Variants in ZZEF1 observed in about 807,000 individuals in gnomAD.
ZZEF1 encodes zinc finger ZZ-type and EF-hand domain containing 1.
In ZZEF1, 157 loss-of-function variants were observed where a neutral mutation model predicts 342.8. The observed-to-expected ratio is 0.46, with a 90% CI of 0.40 to 0.52. The LOEUF (loss-of-function observed/expected upper bound fraction) is 0.52. ZZEF1 is among the 20% of genes least tolerant of loss of function. The pLI, the probability that ZZEF1 is intolerant of heterozygous loss-of-function variation, is 0.00. For synonymous variants in ZZEF1, 1,505 were observed against 1,429.1 expected, an observed-to-expected ratio of 1.05 and a Z score of -1.20; for missense variants, 3,480 against 3,725.6, an observed-to-expected ratio of 0.93 and a Z score of 1.72.
chr17:4,019,064 G>T (rs947554710), intron 46 of ZZEF1, among the ~76,000 whole-genome samples: 1 of 151,764 alleles, frequency 6.6e-6, no homozygotes, highest in African/African-American at 2.4e-5. Context: ...AGCTTAGACT[G>T]TACCCTAACT....
At chr17:4,126,225 C>CAAA (rs34213678) in intron 1 of ZZEF1, among the ~76,000 whole-genome samples, 5 of 94,116 alleles carry the variant, frequency 5.3e-5, no homozygotes, top group African/African-American at 2.1e-4. Flanking sequence ...GACTCCGTCT[C>CAAA]AAAAAAAAAA....
chr17:4,046,207 G>T (rs560239389), intron 37 of ZZEF1, among the ~76,000 whole-genome samples: 1 of 152,260 alleles, frequency 6.6e-6, no homozygotes, highest in East Asian at 1.9e-4. Flanking sequence ...TTGTTAAAGG[G>T]GCCCTTTCTG....
intron 16 of ZZEF1, 21 bp downstream of exon 16, chr17:4,085,649 C>T (rs772203848): frequency 5.0e-6 from 8 of 1,612,834 alleles, no homozygotes; most frequent in Non-Finnish European, 6.8e-6. Flanking sequence ...ACATTGAATC[C>T]AGACTTTTAG....
At chr17:4,036,715 G>A (rs1450477668) in intron 39 of ZZEF1, among the ~76,000 whole-genome samples, 3 of 143,518 alleles carry the variant, frequency 2.1e-5, no homozygotes, top group Non-Finnish European at 4.5e-5. Flanking sequence ...TGGGCGACAA[G>A]AGGGAAACTC....
chr17:4,074,605 C>G (rs934537225), intron 23 of ZZEF1, among the ~76,000 whole-genome samples: 1 of 152,188 alleles, frequency 6.6e-6, no homozygotes, highest in Admixed American at 6.5e-5. Flanking sequence ...TGTCCACTAC[C>G]GACTCAGCCA....
intron 11 of ZZEF1, 50 bp downstream of exon 11, chr17:4,095,781 G>T: frequency 6.5e-7 from 1 of 1,544,198 alleles, no homozygotes; most frequent in Non-Finnish European, 8.7e-7. Context: ...TAACTACAAA[G>T]ATTTTTGTTC....
intron 21 of ZZEF1, 142 bp downstream of exon 21, chr17:4,076,495 G>T: frequency 3.6e-6 from 4 of 1,105,974 alleles, no homozygotes; most frequent in Non-Finnish European, 5.0e-6. Context: ...CACCCTTGTT[G>T]GCAAGCCCAC....
Position 4,112,699 on chromosome 17 carries a change from T to C in ZZEF1, c.976A>G (p.Ser326Gly). 1 of 1,614,248 alleles carries C rather than the reference T, an allele frequency of 6.2e-7. No homozygotes were observed. The highest frequency in any genetic ancestry group is 8.5e-7 in the Non-Finnish European group (1 of 1,180,042). The change falls in exon 5 of 55, where the codon AGC becomes GGC. Residue 326 changes from serine to glycine, a missense_variant. Ser to Gly is a moderately conservative substitution (Grantham distance 56). This residue lies in a region of ZZEF1 where 92 missense variants were observed against 130.3 expected (regional missense o/e 0.71). Coordinates refer to ENST00000381638, the MANE Select transcript of ZZEF1 (RefSeq NM_015113.4). Reference sequence around the variant, plus strand: ...ACATCTCGGACTTCCTGAAGATCGCTGGCATTCCTCCCTACAGCTACTGTC... The same window carrying C: ...ACATCTCGGACTTCCTGAAGATCGCCGGCATTCCTCCCTACAGCTACTGTC... Reference protein sequence around the residue: ...QVTVAVGRNASDLQEVRDVHI... With the variant: ...QVTVAVGRNAGDLQEVRDVHI...
In ZZEF1 at chr17:4,088,870, G is replaced by A. The variant is rs766899112; in HGVS notation, c.2049C>T (p.Cys683=). 1 of 1,614,114 alleles carries A rather than the reference G, an allele frequency of 6.2e-7. No homozygotes were observed. Among genetic ancestry groups the A allele is most frequent in the East Asian group, 2.2e-5 (1 of 44,886 alleles). Residue 683 remains cysteine (C), a synonymous_variant, in exon 13 of 55, where the codon TGC becomes TGT. Transcript: ENST00000381638. ...AGCGCTCTGCTGACTCCTGACGGGT[G>A]CAGAGGAACTTCACCATCAAATACT... ...VAKYLMVKFL[C]TRQESAERLG...
intron 39 of ZZEF1, 102 bp from the exon 40 acceptor site, chr17:4,034,394 C>T: frequency 8.2e-7 from 1 of 1,218,592 alleles, no homozygotes; most frequent in Non-Finnish European, 1.1e-6. Context: ...TGGCCTAGTG[C>T]TAACGGAATC....
chr17:4,013,053 C>A (rs1180647066), intron 52 of ZZEF1, among the ~76,000 whole-genome samples: 2 of 148,540 alleles, frequency 1.3e-5, no homozygotes, highest in Admixed American at 1.3e-4. Context: ...CGCACCACAG[C>A]ACTCCAGCCT....
Position 4,143,028 on chromosome 17 carries a change from C to T in ZZEF1, c.-133G>A. ...CGGCGGCCCCTGCGGCTTCCGGCTTCCTGGCCGTCAAGCGACGACCGCTGT... is the reference window on the plus strand; with the variant it reads ...CGGCGGCCCCTGCGGCTTCCGGCTTTCTGGCCGTCAAGCGACGACCGCTGT... On this transcript the variant is annotated 5_prime_UTR_variant, in exon 1 of 55. Coordinates refer to ENST00000381638, the MANE Select transcript of ZZEF1 (RefSeq NM_015113.4). 1 of 1,276,590 alleles carries T rather than the reference C, an allele frequency of 7.8e-7. No individual in the cohort carries two copies. The highest frequency in any genetic ancestry group is 3.0e-5 in the South Asian group (1 of 33,808). 79.1% of individuals were successfully genotyped at this position (1,276,590 alleles called of 1,614,324 possible).
In ZZEF1 at chr17:4,124,016, T is replaced by C; in HGVS notation, c.390A>G (p.Thr130=). The change falls in exon 2 of 55, where the codon ACA becomes ACG. Residue 130 remains threonine, a synonymous_variant. Coordinates refer to ENST00000381638, the MANE Select transcript of ZZEF1 (RefSeq NM_015113.4). ...CCTCCAACATGTTCTCGGCATCAAC[T>C]GTCCCATCACCCTCAGCATCAAACT... The part of the protein sequence containing the change: ...FAQFDAEGDG[T]VDAENMLEAL... 1 of 1,613,858 alleles carries C rather than the reference T, an allele frequency of 6.2e-7. No individual in the cohort carries two copies.
chr17:4,046,698 G>A (rs910224368), intron 37 of ZZEF1, among the ~76,000 whole-genome samples: 8 of 152,128 alleles, frequency 5.3e-5, no homozygotes, highest in African/African-American at 9.7e-5. Context: ...GAAAAGACCC[G>A]ACACCATACT....
At chr17:4,068,820 C>G (rs1199830075) in intron 26 of ZZEF1, among the ~76,000 whole-genome samples, 1 of 152,140 alleles carries the variant, frequency 6.6e-6, no homozygotes, top group Non-Finnish European at 1.5e-5. Context: ...AGTTGAAAAA[C>G]TCCTCCCCAC....
chr17:4,020,070 G>GCATCTCTATTATTCA (rs2056228748), intron 45 of ZZEF1: 3 of 274,776 alleles, frequency 1.1e-5, no homozygotes, highest in African/African-American at 6.8e-5. Flanking sequence ...TTCACGGCTA[G>GCATCTCTATTATTCA]CGTCTCTATA....
In ZZEF1 at chr17:4,112,669, T is replaced by C. The variant is rs1261071535; in HGVS notation, c.1006A>G (p.Ile336Val). 2.5e-6 allele frequency: 4 copies of C among 1,614,234 alleles called. No homozygotes were observed. Among genetic ancestry groups the C allele is most frequent in the South Asian group, 2.2e-5 (2 of 91,086 alleles). Residue 336 changes from isoleucine (I) to valine (V), a missense_variant, in exon 5 of 55, where the codon ATC (isoleucine) becomes GTC (valine). Physicochemically the swap from Ile to Val is conservative, Grantham distance 29. Coordinates refer to ENST00000381638, the MANE Select transcript of ZZEF1 (RefSeq NM_015113.4). ...SDLQEVRDVHIPSNVTGYVTL... is the reference protein window; with the variant it reads ...SDLQEVRDVHVPSNVTGYVTL... ...ACATAGCCAGTGACATTGCTGGGGA[T>C]GTGCACATCTCGGACTTCCTGAAGA...
chr17:4,009,485 TG>T, intron 53 of ZZEF1, 118 bp downstream of exon 53: 1 of 1,377,916 alleles, frequency 7.3e-7, no homozygotes, highest in Non-Finnish European at 1.0e-6. Context: ...CTGTCCTGTG[TG>T]GCCTGTCGAG....
intron 32 of ZZEF1, among the ~76,000 whole-genome samples, chr17:4,057,399 C>T (rs2057186331): frequency 6.6e-6 from 1 of 152,216 alleles, no homozygotes. Flanking sequence ...TCCCACTTCT[C>T]TCCTCTTAGT....
Sources: allele counts gnomAD v4.1 joint callset (sites outside exome capture counted in the v4.1 genomes callset), GRCh38; gene constraint gnomAD v4.1.1; regional missense constraint gnomAD v4.1.1; transcripts MANE v1.5; gene names NCBI Gene and HGNC (gene_info 2026-07-23, HGNC 2026-07-21).